The following SND1 variants were observed in gnomAD, a reference collection of about 807,000 sequenced individuals.
SND1 encodes staphylococcal nuclease and tudor domain containing 1.
In SND1, 38 loss-of-function variants were observed where a neutral mutation model predicts 121.7. The ratio of observed to expected loss-of-function variants is 0.31; its 90% CI spans 0.24 to 0.41. The LOEUF (loss-of-function observed/expected upper bound fraction) is 0.41, where lower values mean the gene tolerates loss of function less well. Among genes scored for constraint, SND1 ranks in the 10% least tolerant of loss-of-function variants. The pLI, the probability that SND1 is intolerant of heterozygous loss-of-function variation, is 1.00. For synonymous variants in SND1, 401 were observed against 447.4 expected, an observed-to-expected ratio of 0.90 and a Z score of 1.31; for missense variants, 868 against 1,184.6, an observed-to-expected ratio of 0.73 and a Z score of 3.92.
chr7:127,821,047 C>T (rs1014064368), intron 11 of SND1, among the ~76,000 whole-genome samples: 2 of 152,132 alleles, frequency 1.3e-5, no homozygotes, highest in Admixed American at 1.3e-4. Context: ...TGGATCCTCC[C>T]GAATGAACAC....
At chr7:127,863,632 C>A (rs1027977126) in intron 12 of SND1, among the ~76,000 whole-genome samples, 6 of 152,100 alleles carry the variant, frequency 3.9e-5, no homozygotes, top group Non-Finnish European at 7.4e-5. Context: ...AGTAATTATT[C>A]CTGTGAGTGT....
At chr7:127,823,555 C>A (rs1798589835) in intron 11 of SND1, among the ~76,000 whole-genome samples, 1 of 152,042 alleles carries the variant, frequency 6.6e-6, no homozygotes, top group African/African-American at 2.4e-5. Flanking sequence ...TTTTAAAATC[C>A]AAGTTTCTCT....
At chr7:127,839,496 A>T (rs1050799829) in intron 11 of SND1, among the ~76,000 whole-genome samples, 1 of 152,118 alleles carries the variant, frequency 6.6e-6, no homozygotes. Flanking sequence ...TTTTGTTATC[A>T]TCAGCATCAG....
chr7:127,715,371 G>T (rs916734492), intron 9 of SND1, among the ~76,000 whole-genome samples: 1 of 152,106 alleles, frequency 6.6e-6, no homozygotes, highest in African/African-American at 2.4e-5. Context: ...ACATATGCAG[G>T]TTTGTTACAT....
At chr7:127,935,061 G>A (rs112622248) in intron 15 of SND1, among the ~76,000 whole-genome samples, 4,906 of 152,148 alleles carry the variant, frequency 0.032, 129 homozygotes, top group Non-Finnish European at 0.048. Flanking sequence ...AACTGTAAAG[G>A]GCTTTTATGC....
At chr7:127,802,750 C>G (rs1352721542) in intron 10 of SND1, among the ~76,000 whole-genome samples, 1 of 152,218 alleles carries the variant, frequency 6.6e-6, no homozygotes, top group East Asian at 1.9e-4. Flanking sequence ...TGAAGCTTAG[C>G]ATGTCTCCTG....
chr7:127,987,180 C>T (rs1802411032), intron 15 of SND1, among the ~76,000 whole-genome samples: 1 of 152,180 alleles, frequency 6.6e-6, no homozygotes, highest in Admixed American at 6.5e-5. Flanking sequence ...CAGTCTGAGG[C>T]CCTGTGTGGC....
intron 16 of SND1, chr7:127,997,762 C>T (rs575509345): frequency 3.9e-5 from 21 of 534,802 alleles, no homozygotes; most frequent in Middle Eastern, 3.2e-4. Context: ...ACTGGCAGTT[C>T]ACCATATATA....
intron 16 of SND1, chr7:128,031,770 AACCGCCCGTC>A (rs903449606): frequency 8.3e-5 from 12 of 144,720 alleles, no homozygotes; most frequent in African/African-American, 1.2e-4. Context: ...GGCGGCGCGC[AACCGCCCGTC>A]GCCGCCCGCC....
intron 1 of SND1, among the ~76,000 whole-genome samples, chr7:127,674,077 TCTTCCTGCCTTCCTCTCTCC>T (rs1795574345): frequency 2.0e-5 from 3 of 151,574 alleles, no homozygotes; most frequent in Admixed American, 1.3e-4. Context: ...TGTCTTCCTG[TCTTCCTGCCTTCCTCTCTCC>T]CTTCCTGCCT....
intron 10 of SND1, among the ~76,000 whole-genome samples, chr7:127,733,288 G>A (rs923995373): frequency 1.3e-5 from 2 of 152,104 alleles, no homozygotes; most frequent in African/African-American, 2.4e-5. Context: ...AGTCCCTCAC[G>A]GTATTTGAGG....
At chr7:127,947,745 T>C (rs1433683316) in intron 15 of SND1, among the ~76,000 whole-genome samples, 2 of 152,172 alleles carry the variant, frequency 1.3e-5, no homozygotes, top group Non-Finnish European at 2.9e-5. Flanking sequence ...GAGTCTTGGG[T>C]CCTTCTGCAT....
intron 11 of SND1, among the ~76,000 whole-genome samples, chr7:127,810,772 A>T (rs547801817): frequency 6.6e-6 from 1 of 152,240 alleles, no homozygotes; most frequent in African/African-American, 2.4e-5. Flanking sequence ...ATCTTATAAA[A>T]TATCTAAAGT....
intron 12 of SND1, among the ~76,000 whole-genome samples, chr7:127,881,699 T>A (rs1799793655): frequency 6.6e-6 from 1 of 152,178 alleles, no homozygotes; most frequent in Non-Finnish European, 1.5e-5. Flanking sequence ...GGTTTGACTC[T>A]ATGGAAAGTT....
At chr7:127,702,393 G>A (rs1796120204) in intron 5 of SND1, 42 bp from the exon 6 acceptor site, 1 of 1,563,080 alleles carries the variant, frequency 6.4e-7, no homozygotes, top group African/African-American at 1.4e-5. Context: ...ATCCTTGTTA[G>A]GATGTTTGCT....
At chr7:127,866,583 C>T (rs1349448929) in intron 12 of SND1, among the ~76,000 whole-genome samples, 3 of 152,118 alleles carry the variant, frequency 2.0e-5, no homozygotes, top group Admixed American at 6.6e-5. Flanking sequence ...ACTCCATGCA[C>T]TCAACAAGGC....
At chr7:127,963,494 A>T (rs1801784079) in intron 15 of SND1, among the ~76,000 whole-genome samples, 1 of 122,984 alleles carries the variant, frequency 8.1e-6, no homozygotes, top group African/African-American at 3.2e-5. Flanking sequence ...ATGAGTGAGA[A>T]TATGCGGTGT....
In SND1 at chr7:127,711,576, A is replaced by G. The variant is rs550938609; in HGVS notation, c.1038+3929A>G. On this transcript the variant is annotated intron_variant, in intron 9 of 23. Coordinates refer to ENST00000354725, the MANE Select transcript of SND1 (RefSeq NM_014390.4). ...GTGTTCCAACATTTCATAGCGATGC[A>G]CTTTGTTTATCTATATTTGAGCATA... 3.6e-4 allele frequency among the ~76,000 whole-genome samples: 55 copies of G among 152,168 alleles called. 1 individual carries two copies. Among genetic ancestry groups the G allele is most frequent in the African/African-American group, 1.3e-3 (53 of 41,554 alleles).
chr7:127,803,259 T>C (rs1415934295), intron 10 of SND1, among the ~76,000 whole-genome samples: 1 of 152,178 alleles, frequency 6.6e-6, no homozygotes, highest in Non-Finnish European at 1.5e-5. Flanking sequence ...TCAATCTCAG[T>C]GCGGCCTGCC....
Sources: allele counts gnomAD v4.1 joint callset (sites outside exome capture counted in the v4.1 genomes callset), GRCh38; gene constraint gnomAD v4.1.1; transcripts MANE v1.5; gene names NCBI Gene and HGNC (gene_info 2026-07-23, HGNC 2026-07-21).